PRLR: variants seen among roughly 807,000 people sequenced by gnomAD.
PRLR encodes the protein prolactin receptor.
In PRLR, 13 loss-of-function variants were observed where a neutral mutation model predicts 40.2. That is an observed-to-expected ratio of 0.32 (90% CI 0.21 to 0.51). The LOEUF (loss-of-function observed/expected upper bound fraction) is 0.51. PRLR is among the 20% of genes least tolerant of loss of function. PRLR has a pLI of 0.97. For synonymous variants in PRLR, 269 were observed against 278.7 expected, an observed-to-expected ratio of 0.97 and a Z score of 0.35; for missense variants, 656 against 747.3, an observed-to-expected ratio of 0.88 and a Z score of 1.42.
chr5:35,218,074 G>C (rs1776328335), intron 1 of PRLR, among the ~76,000 whole-genome samples: 2 of 152,008 alleles, frequency 1.3e-5, no homozygotes, highest in Admixed American at 6.6e-5. Context: ...GAGTTATTTG[G>C]AGAATATGCA....
At chr5:35,053,025 T>C (rs978813578), downstream of PRLR, among the ~76,000 whole-genome samples, 5 of 152,226 alleles carry the variant, frequency 3.3e-5, no homozygotes, top group African/African-American at 1.2e-4. Context: ...CAGTGACTTT[T>C]AGTGAACCCT....
chr5:35,204,366 C>A (rs1027842198), intron 1 of PRLR, among the ~76,000 whole-genome samples: 4 of 151,986 alleles, frequency 2.6e-5, no homozygotes, highest in African/African-American at 9.7e-5. Flanking sequence ...TTAGCTATGC[C>A]TTGCATCTTA....
At chr5:35,183,631 G>A (rs1775349445) in intron 1 of PRLR, among the ~76,000 whole-genome samples, 1 of 152,172 alleles carries the variant, frequency 6.6e-6, no homozygotes, top group Non-Finnish European at 1.5e-5. Context: ...ACGGAAAAGG[G>A]AGTCCCTTAG....
At chr5:35,074,206 A>T (rs1360817391) in intron 5 of PRLR, among the ~76,000 whole-genome samples, 1 of 152,180 alleles carries the variant, frequency 6.6e-6, no homozygotes, top group African/African-American at 2.4e-5. Context: ...TATGCCTGTA[A>T]TCCTACCATT....
intron 5 of PRLR, chr5:35,081,170 C>T (rs144153925): frequency 0.095 from 14,644 of 153,512 alleles, 1,097 homozygotes; most frequent in African/African-American, 0.2. Context: ...TGCACATGTA[C>T]CCTAGAACTT....
chr5:35,209,917 G>A (rs1776126928), intron 1 of PRLR, among the ~76,000 whole-genome samples: 1 of 152,142 alleles, frequency 6.6e-6, no homozygotes, highest in African/African-American at 2.4e-5. Flanking sequence ...TAGCCTGAGT[G>A]GTTCTTTTAA....
chr5:35,109,506 TAC>T (rs1418202900), intron 2 of PRLR, among the ~76,000 whole-genome samples: 5 of 151,606 alleles, frequency 3.3e-5, no homozygotes, highest in Non-Finnish European at 5.9e-5. Context: ...ACAAAGAACT[TAC>T]AAATTTACAA....
At chr5:35,094,735 G>A (rs537920504) in intron 2 of PRLR, among the ~76,000 whole-genome samples, 1 of 151,958 alleles carries the variant, frequency 6.6e-6, no homozygotes, top group African/African-American at 2.4e-5. Flanking sequence ...TTCCTTACCT[G>A]CCTTGTTCTA....
intron 1 of PRLR, among the ~76,000 whole-genome samples, chr5:35,196,795 G>A (rs371042036): frequency 2.7e-4 from 41 of 152,304 alleles, no homozygotes; most frequent in East Asian, 7.7e-4. Context: ...TGCTTTAGAC[G>A]GAGTGGCTTA....
chr5:35,099,223 C>T (rs1579641711), intron 2 of PRLR, among the ~76,000 whole-genome samples: 1 of 152,174 alleles, frequency 6.6e-6, no homozygotes, highest in Non-Finnish European at 1.5e-5. Flanking sequence ...GTAGAAATAA[C>T]ACACAGTAAC....
chr5:35,164,569 A>G (rs1774766820), intron 1 of PRLR, among the ~76,000 whole-genome samples: 1 of 152,182 alleles, frequency 6.6e-6, no homozygotes, highest in African/African-American at 2.4e-5. Flanking sequence ...TGAGAAATGG[A>G]GTCTGGTATA....
chr5:35,196,101 A>C (rs1257087830), intron 1 of PRLR, among the ~76,000 whole-genome samples: 7 of 44,472 alleles, frequency 1.6e-4, no homozygotes, highest in Non-Finnish European at 3.4e-4. Context: ...AAATAAAATA[A>C]AATAAAATAA....
chr5:35,215,280 T>G (rs1776258620), intron 1 of PRLR, among the ~76,000 whole-genome samples: 2 of 152,180 alleles, frequency 1.3e-5, no homozygotes, highest in African/African-American at 4.8e-5. Flanking sequence ...AAGAAGGGTG[T>G]GAAATAGAAC....
At chr5:35,109,165 T>C (rs1468638533) in intron 2 of PRLR, among the ~76,000 whole-genome samples, 1 of 152,246 alleles carries the variant, frequency 6.6e-6, no homozygotes, top group Non-Finnish European at 1.5e-5. Flanking sequence ...GCTAGCCATA[T>C]GTAGAAAGTT....
intron 1 of PRLR, among the ~76,000 whole-genome samples, chr5:35,218,616 G>A (rs776844368): frequency 1.3e-5 from 2 of 152,144 alleles, no homozygotes; most frequent in Non-Finnish European, 2.9e-5. Flanking sequence ...AGTAACTTGA[G>A]AGAAGACATT....
At chr5:35,104,962 C>T (rs745989330) in intron 2 of PRLR, among the ~76,000 whole-genome samples, 77 of 152,326 alleles carry the variant, frequency 5.1e-4, no homozygotes, top group African/African-American at 1.3e-3. Context: ...AACTAGGAGA[C>T]ACTTCCCAGT....
Position 35,172,188 on chromosome 5 carries a change from AC to A in PRLR, c.-105-54067del, listed in dbSNP as rs532972786. On this transcript the variant is annotated intron_variant, in intron 1 of 9. Transcript: ENST00000618457. ...AGGACACAGTGAACATTCAGTCTGT[AC>A]TACAGTGACTGCAGGCATGACAGGG... Among the ~76,000 whole-genome samples, 24 of 152,336 alleles carry A rather than the reference AC, an allele frequency of 1.6e-4. 1 individual carries two copies. The South Asian group carries it at 3.1e-3, about 20-fold the overall frequency.
At chr5:35,068,531 A>G (rs1769523748) in intron 8 of PRLR, among the ~76,000 whole-genome samples, 1 of 151,920 alleles carries the variant, frequency 6.6e-6, no homozygotes, top group African/African-American at 2.4e-5. Context: ...GATTTTAGCT[A>G]CTCTTGCCAG....
intron 1 of PRLR, among the ~76,000 whole-genome samples, chr5:35,176,850 T>G (rs1775162918): frequency 6.6e-6 from 1 of 152,190 alleles, no homozygotes; most frequent in African/African-American, 2.4e-5. Context: ...AAGGCATGCC[T>G]CTTGCAGTTG....
Sources: allele counts gnomAD v4.1 joint callset (sites outside exome capture counted in the v4.1 genomes callset), GRCh38; gene constraint gnomAD v4.1.1; transcripts MANE v1.5; gene names NCBI Gene and HGNC (gene_info 2026-07-23, HGNC 2026-07-21).